The following CCDC40 variants were observed in gnomAD, a reference collection of about 807,000 sequenced individuals.
CCDC40 encodes the protein coiled-coil domain-containing protein 40.
A neutral mutation model predicts 124.5 loss-of-function variants in CCDC40; 104 were observed. The ratio of observed to expected loss-of-function variants is 0.84; its 90% confidence interval spans 0.71 to 0.98. The LOEUF is 0.98. CCDC40 is among the 50% of genes least tolerant of loss of function. The pLI, the probability that CCDC40 is intolerant of heterozygous loss-of-function variation, is 0.00. For synonymous variants in CCDC40, 580 were observed against 602.9 expected (o/e 0.96, Z 0.56); for missense variants, 1,463 against 1,503.9 (o/e 0.97, Z 0.45).
At chr17:80,065,679 C>G (rs897587146) in intron 10 of CCDC40, 73 bp downstream of exon 10, 6 of 1,588,612 alleles carry the variant, frequency 3.8e-6, no homozygotes, top group African/African-American at 1.3e-5. Flanking sequence ...CCCACACCCC[C>G]TCTCTCTGGG....
intron 10 of CCDC40, among the ~76,000 whole-genome samples, chr17:80,076,684 T>C (rs554941457): frequency 3.3e-5 from 5 of 152,032 alleles, no homozygotes; most frequent in African/African-American, 1.2e-4. Context: ...ACCAGCATAC[T>C]TTATCAAGTA....
At position 80,081,923 on chromosome 17, in the gene CCDC40, C is replaced by T; in HGVS notation, c.1854C>T (p.Ile618=). The change falls in exon 12 of 20, where the codon ATC becomes ATT. Residue 618 remains isoleucine, a synonymous_variant. Transcript: ENST00000397545. ...TEELQAIRQA[I]QGELELRRKT... is the part of the protein sequence containing the mutation. ...AGTTGCAGGCCATCCGCCAAGCCAT[C>T]CAGGGCGAGCTGGAGCTCAGGAGGA... 6.2e-7 allele frequency: 1 copy of T among 1,613,976 alleles called. No homozygotes were observed. The highest frequency in any genetic ancestry group is 8.5e-7 in the Non-Finnish European group (1 of 1,179,960).
intron 10 of CCDC40, among the ~76,000 whole-genome samples, chr17:80,075,612 G>A (rs778105913): frequency 6.6e-6 from 1 of 151,914 alleles, no homozygotes; most frequent in African/African-American, 2.4e-5. Flanking sequence ...GTGGAGGCAG[G>A]GGTGGTCGCT....
chr17:80,037,091 C>A (rs1358166948), intron 1 of CCDC40, among the ~76,000 whole-genome samples: 1 of 152,204 alleles, frequency 6.6e-6, no homozygotes, highest in African/African-American at 2.4e-5. Flanking sequence ...CCGCCCCTGA[C>A]CTTGCTCCGG....
chr17:80,089,890 G>A lies in CCDC40; in HGVS notation c.2832+6G>A, dbSNP rs1385098797. ...GCGAGATCCACAGGATGAAGGTGAG[G>A]GGAGGAGAGCGGCGTGGCAGGGCCT... On this transcript the variant is annotated splice_donor_region_variant and intron_variant, in intron 17 of 19. Coordinates refer to ENST00000397545, the MANE Select transcript of CCDC40 (RefSeq NM_017950.4). 1.2e-6 allele frequency: 2 copies of A among 1,614,008 alleles called. No homozygotes were observed. Among genetic ancestry groups the A allele is most frequent in the Non-Finnish European group, 1.7e-6 (2 of 1,180,010 alleles).
At chr17:80,071,657 G>A (rs890817467) in intron 10 of CCDC40, among the ~76,000 whole-genome samples, 1 of 151,990 alleles carries the variant, frequency 6.6e-6, no homozygotes, top group African/African-American at 2.4e-5. Context: ...TTTTCAGCAC[G>A]GTATTCAATA....
rs2037804766 is a variant in CCDC40, at chr17:80,058,371, A to G, written c.1160-123A>G. ...AAAAGCAGTTTCCCAGTCTTACCCA[A>G]AAATGGCAGGAAGGGTGCCCAGAAC... On this transcript the variant is annotated intron_variant, in intron 7 of 19. Coordinates refer to ENST00000397545, the MANE Select transcript of CCDC40 (RefSeq NM_017950.4). This position sits in a 1 kb window ranked among gnomAD's most constrained non-coding sequence, Gnocchi z 4.2. 1.2e-6 allele frequency: 1 copy of G among 824,224 alleles called. No homozygotes were observed. The highest frequency in any genetic ancestry group is 2.0e-6 in the Non-Finnish European group (1 of 500,400). 51.1% of individuals were successfully genotyped at this position (824,224 alleles called of 1,614,324 possible).
chr17:80,072,453 G>C (rs2038216411), intron 10 of CCDC40, among the ~76,000 whole-genome samples: 1 of 152,096 alleles, frequency 6.6e-6, no homozygotes, highest in African/African-American at 2.4e-5. Context: ...GTTTGTAACT[G>C]TATCTTTTTA....
chr17:80,071,210 C>T (rs1042307707), intron 10 of CCDC40, among the ~76,000 whole-genome samples: 1 of 152,246 alleles, frequency 6.6e-6, no homozygotes, highest in African/African-American at 2.4e-5. Context: ...GGACTTGGAG[C>T]CAAAAGCACC....
chr17:80,068,364 T>C (rs564312330), intron 10 of CCDC40, among the ~76,000 whole-genome samples: 102 of 151,950 alleles, frequency 6.7e-4, no homozygotes, highest in African/African-American at 2.2e-3. Flanking sequence ...GTGTAGAACA[T>C]TGTGAGAAGT....
rs1258672260 is a variant in CCDC40, at chr17:80,088,106, A to T, written c.2711+4A>T. The T allele has an allele frequency of 6.2e-7, 1 of 1,606,992 alleles. No individual in the cohort carries two copies. Among genetic ancestry groups the T allele is most frequent in the African/African-American group, 1.3e-5 (1 of 74,902 alleles). On this transcript the variant is annotated splice_donor_region_variant and intron_variant, in intron 16 of 19. Transcript: ENST00000397545. ...TGAATCAACTGGTGGAAGCAGAGTG[A>T]GTCCCAGTCTCCAGCCACACGTGGG... is the stretch of plus-strand genomic sequence containing the variant.
rs1265465386 is a variant in CCDC40 at position 80,099,720 on chromosome 17, T to C, written c.3374T>C (p.Leu1125Pro). 8.1e-6 allele frequency: 13 copies of C among 1,613,614 alleles called. No individual in the cohort carries two copies. The highest frequency in any genetic ancestry group is 1.1e-5 in the Non-Finnish European group (13 of 1,180,004). ...RDEYPQFQEA[L>P]HKVSQMIANK... ...GAGTACCCCCAGTTCCAGGAGGCCC[T>C]GCACAAGGTCAGCCAGATGATCGCC... Residue 1125 changes from leucine (L) to proline (P), a missense_variant, in exon 20 of 20, where the codon CTG (leucine) becomes CCG (proline). Transcript: ENST00000397545.
intron 7 of CCDC40, among the ~76,000 whole-genome samples, chr17:80,057,410 C>G (rs1390445532): frequency 6.6e-6 from 1 of 151,992 alleles, no homozygotes; most frequent in Non-Finnish European, 1.5e-5. Flanking sequence ...CAAGTTTAAG[C>G]TGTATCCTTC....
At chr17:80,099,415 C>G in intron 19 of CCDC40, 112 bp from the exon 20 acceptor site, 2 of 1,269,644 alleles carry the variant, frequency 1.6e-6, no homozygotes, top group Non-Finnish European at 2.3e-6. Flanking sequence ...CCTTTTCAGG[C>G]GTAGGTCTCG....
At position 80,086,165 on chromosome 17, in the gene CCDC40, G is replaced by A. The variant is rs779315900; in HGVS notation, c.2398G>A (p.Ala800Thr). The change falls in exon 14 of 20, where the codon GCA becomes ACA. Residue 800 changes from alanine to threonine, a missense_variant. Transcript: ENST00000397545. This position sits in a 1 kb window ranked among gnomAD's most constrained non-coding sequence, Gnocchi z 5.5. Reference protein sequence around the residue: ...EQEEQLASLDASKKELHIMEQ... With the variant: ...EQEEQLASLDTSKKELHIMEQ... The stretch of plus-strand genomic sequence containing the variant: ...GGAGGAGCAGCTGGCCTCCCTGGAC[G>A]CATCCAAGAAGGAGCTCCACATCAT... 9.3e-6 allele frequency: 15 copies of A among 1,613,766 alleles called. No individual in the cohort carries two copies. Among genetic ancestry groups the A allele is most frequent in the South Asian group, 2.2e-5 (2 of 91,048 alleles).
At position 80,097,166 on chromosome 17, in the gene CCDC40, G is replaced by A. The variant is rs543384697; in HGVS notation, c.3022-79G>A. 4 of 1,491,848 alleles carry A rather than the reference G, an allele frequency of 2.7e-6. No homozygotes were observed. The Admixed American group carries it at 6.7e-5, about 25-fold the overall frequency. The allele number at this position is 1,491,848 out of a possible 1,614,324, so 92.4% of individuals were successfully genotyped here. On this transcript the variant is annotated intron_variant, in intron 18 of 19. Coordinates refer to ENST00000397545, the MANE Select transcript of CCDC40 (RefSeq NM_017950.4). Reference sequence around the variant, plus strand: ...TGGAGTGTGTGGAAGGTGCCTGGCAGGTCCTCCCAGCCTGACTCTTCCCTG... The same window carrying A: ...TGGAGTGTGTGGAAGGTGCCTGGCAAGTCCTCCCAGCCTGACTCTTCCCTG...
chr17:80,064,398 G>T (rs112533809), intron 9 of CCDC40, among the ~76,000 whole-genome samples: 3 of 151,970 alleles, frequency 2.0e-5, no homozygotes, highest in African/African-American at 7.3e-5. Flanking sequence ...TTGCATTGGG[G>T]ATGACTCATC....
At chr17:80,077,475 A>G (rs2038336994) in intron 10 of CCDC40, among the ~76,000 whole-genome samples, 1 of 152,156 alleles carries the variant, frequency 6.6e-6, no homozygotes, top group African/African-American at 2.4e-5. Flanking sequence ...GTGAGCCGAG[A>G]TTGCGCCATT....
chr17:80,073,533 CAA>C (rs2038241736), intron 10 of CCDC40, among the ~76,000 whole-genome samples: 2 of 152,164 alleles, frequency 1.3e-5, no homozygotes, highest in South Asian at 4.1e-4. Flanking sequence ...CAAACTGAAT[CAA>C]GACATGTCGT....
Sources: allele counts gnomAD v4.1 joint callset (sites outside exome capture counted in the v4.1 genomes callset), GRCh38; gene constraint gnomAD v4.1.1; non-coding constraint Gnocchi (gnomAD v3.1); transcripts MANE v1.5; gene names NCBI Gene and HGNC (gene_info 2026-07-23, HGNC 2026-07-21).